DOCK11: variants seen among roughly 807,000 people sequenced by gnomAD.
DOCK11 encodes the protein dedicator of cytokinesis 11, also known as dedicator of cytokinesis protein 11.
In DOCK11, 70 loss-of-function variants were observed where a neutral mutation model predicts 169.1. The ratio of observed to expected loss-of-function variants is 0.41; its 90% CI spans 0.34 to 0.51. DOCK11 has a LOEUF of 0.51. DOCK11 is among the 20% of genes least tolerant of loss of function. The probability of loss-of-function intolerance (pLI) is 0.10; values close to 1 mark genes in which losing one functional copy is unlikely to be tolerated. For synonymous variants in DOCK11, 529 were observed against 541.3 expected (o/e 0.98, Z 0.32); for missense variants, 1,166 against 1,538.8 (o/e 0.76, Z 4.05).
intron 6 of DOCK11, among the ~76,000 whole-genome samples, chrX:118,556,271 C>T (rs923968509): frequency 9.3e-6 from 1 of 107,058 alleles, no homozygotes; most frequent in African/African-American, 3.4e-5. Flanking sequence ...TCTCGAACTC[C>T]TGACCTCAGG....
At chrX:118,547,818 C>T (rs1244245993) in intron 6 of DOCK11, among the ~76,000 whole-genome samples, 1 of 112,497 alleles carries the variant, frequency 8.9e-6, no homozygotes, top group African/African-American at 3.2e-5. Context: ...GTGAAGGTTA[C>T]ATTTCTGTGT....
chrX:118,669,588 A>C (rs963468218), intron 45 of DOCK11, among the ~76,000 whole-genome samples: 1 of 111,510 alleles, frequency 9.0e-6, no homozygotes, highest in Non-Finnish European at 1.9e-5. Context: ...CTCTGCCCTC[A>C]TGACTTAGTC....
chrX:118,553,657 C>A (rs1241763203), intron 6 of DOCK11, among the ~76,000 whole-genome samples: 1 of 111,720 alleles, frequency 9.0e-6, no homozygotes, highest in Non-Finnish European at 1.9e-5. Flanking sequence ...TCCTCCTCTG[C>A]AGTGGGAGAA....
intron 22 of DOCK11, 128 bp from the exon 23 acceptor site, chrX:118,599,011 C>T: frequency 1.9e-6 from 1 of 518,509 alleles, no homozygotes; most frequent in South Asian, 3.1e-5. Context: ...TGGTCAAGAG[C>T]TGCTGAGCCT....
intron 45 of DOCK11, among the ~76,000 whole-genome samples, chrX:118,666,178 A>G (rs2016335547): frequency 8.9e-6 from 1 of 111,845 alleles, no homozygotes; most frequent in Non-Finnish European, 1.9e-5. Flanking sequence ...AATCTCTTGA[A>G]CCCCAGGGGC....
At position 118,525,507 on chromosome X, in the gene DOCK11, T is replaced by C. The variant is rs763676105; in HGVS notation, c.103-17218T>C. ...TAGAGACAGAAAATAGAATAAAGGT[T>C]ACCAGGGATGGGCGGGGGCGGTGTG... On this transcript the variant is annotated intron_variant, in intron 1 of 52. Coordinates refer to ENST00000276202, the MANE Select transcript of DOCK11 (RefSeq NM_144658.4). Among the ~76,000 whole-genome samples the C allele has an allele frequency of 1.8e-4, 20 of 111,120 alleles. No homozygotes were observed. The Admixed American group carries it at 1.9e-3, about 11-fold the overall frequency.
intron 45 of DOCK11, among the ~76,000 whole-genome samples, chrX:118,669,960 C>T (rs1426455475): frequency 9.0e-6 from 1 of 111,255 alleles, no homozygotes; most frequent in East Asian, 2.8e-4. Context: ...TATAAAGATA[C>T]CAGTCATATT....
chrX:118,565,967 A>G (rs1569417786), intron 7 of DOCK11, 38 bp from the exon 8 acceptor site: 1 of 1,173,907 alleles, frequency 8.5e-7, no homozygotes, highest in Non-Finnish European at 1.2e-6. Flanking sequence ...TAAAAGGACA[A>G]CTAAACTAAC....
intron 26 of DOCK11, 135 bp downstream of exon 26, chrX:118,608,491 C>G: frequency 1.2e-6 from 1 of 810,110 alleles, no homozygotes; most frequent in Non-Finnish European, 1.7e-6. Context: ...CCCATGCATC[C>G]TTTTCCTGAA....
At chrX:118,589,137 T>TA (rs2013906874) in intron 18 of DOCK11, among the ~76,000 whole-genome samples, 1 of 112,129 alleles carries the variant, frequency 8.9e-6, no homozygotes, top group African/African-American at 3.2e-5. Flanking sequence ...TGCTGGGTCT[T>TA]ACACTCAAAC....
intron 1 of DOCK11, among the ~76,000 whole-genome samples, chrX:118,507,538 C>T (rs746801579): frequency 3.6e-5 from 4 of 110,942 alleles, no homozygotes; most frequent in East Asian, 2.8e-4. Context: ...TTAGTAGAGA[C>T]GGGGTTTCAC....
chrX:118,548,498 A>G (rs2012366643), intron 6 of DOCK11, among the ~76,000 whole-genome samples: 1 of 111,507 alleles, frequency 9.0e-6, no homozygotes, highest in Non-Finnish European at 1.9e-5. Flanking sequence ...AGAACCCCAT[A>G]AGTGGAAGAG....
At position 118,648,852 on chromosome X, in the gene DOCK11, A is replaced by G. The variant is rs748396150; in HGVS notation, c.4399-93A>G. On this transcript the variant is annotated intron_variant, in intron 40 of 52. Coordinates refer to ENST00000276202, the MANE Select transcript of DOCK11 (RefSeq NM_144658.4). ...ATTTTGTATCCTCAAAGCCCCCAGC[A>G]TAGTTTTAGGTGAGGATATAGAGGG... is the stretch of plus-strand genomic sequence containing the variant. The G allele has an allele frequency of 5.8e-5, 46 of 787,834 alleles. No individual in the cohort carries two copies. In the East Asian group the frequency reaches 1.6e-3, roughly 27 times the overall value. The allele number at this position is 787,834 out of a possible 1,213,427, so 64.9% of individuals were successfully genotyped here.
At position 118,580,196 on chromosome X, in the gene DOCK11, T is replaced by A. The variant is rs1367683703; in HGVS notation, c.1595+17T>A. ...GGCTGCCAGGTTTGTACAAATATAATCCTGACCCGCTCACTCGTGTTCATA... is the reference window on the plus strand; with the variant it reads ...GGCTGCCAGGTTTGTACAAATATAAACCTGACCCGCTCACTCGTGTTCATA... On this transcript the variant is annotated intron_variant, in intron 14 of 52. Transcript: ENST00000276202. 8.5e-7 allele frequency: 1 copy of A among 1,178,646 alleles called. No individual in the cohort carries two copies.
intron 46 of DOCK11, among the ~76,000 whole-genome samples, chrX:118,672,800 A>G (rs1408931231): frequency 8.9e-6 from 1 of 112,666 alleles, no homozygotes; most frequent in African/African-American, 3.2e-5. Flanking sequence ...GAGAGTGAAC[A>G]CACATAGATT....
intron 28 of DOCK11, 137 bp downstream of exon 28, chrX:118,610,555 T>A: frequency 1.5e-6 from 1 of 650,909 alleles, no homozygotes; most frequent in Admixed American, 3.8e-5. Context: ...CTTACAAACG[T>A]TGGCTATTGT....
chrX:118,582,062 G>A (rs770051650), intron 14 of DOCK11, among the ~76,000 whole-genome samples: 2 of 109,661 alleles, frequency 1.8e-5, no homozygotes, highest in East Asian at 5.7e-4. Flanking sequence ...CGTGGGAGGC[G>A]GAGGTTGCAG....
intron 42 of DOCK11, among the ~76,000 whole-genome samples, chrX:118,653,665 C>T (rs1301898581): frequency 2.7e-5 from 3 of 111,726 alleles, no homozygotes; most frequent in East Asian, 2.8e-4. Context: ...CCTCTTGCCT[C>T]GGCCTCCCAA....
Position 118,572,590 on chromosome X carries a change from T to C in DOCK11, c.1176+127T>C, listed in dbSNP as rs189283564. The C allele has an allele frequency of 1.3e-3, 698 of 527,000 alleles. 5 individuals carry two copies. In the African/African-American group the frequency reaches 0.015, roughly 11 times the overall value. 43.4% of individuals were successfully genotyped at this position (527,000 alleles called of 1,213,427 possible). On this transcript the variant is annotated intron_variant, in intron 11 of 52. Coordinates refer to ENST00000276202, the MANE Select transcript of DOCK11 (RefSeq NM_144658.4). ...CTATATAACAAACCTGCACATGTAC[T>C]CCTGAACCTAAAATGAAAGTTTTAT...
Sources: gnomAD v4.1 joint callset for allele counts (sites outside exome capture counted in the v4.1 genomes callset) on GRCh38, gnomAD v4.1.1 for gene constraint, MANE v1.5 for transcripts, NCBI Gene and HGNC (gene_info 2026-07-23, HGNC 2026-07-21) for gene names.